The following ARHGEF3 variants were observed in gnomAD, a reference collection of about 807,000 sequenced individuals.
ARHGEF3 encodes 59.8 kDA protein.
Under a neutral mutation model 63.2 loss-of-function variants are expected in ARHGEF3, and 28 were observed. That is an observed-to-expected ratio of 0.44 (90% CI 0.33 to 0.61). The LOEUF (loss-of-function observed/expected upper bound fraction) is 0.61, where lower values mean the gene tolerates loss of function less well. Among genes scored for constraint, ARHGEF3 ranks in the 20% least tolerant of loss-of-function variants. The pLI is 0.03. For synonymous variants in ARHGEF3, 266 were observed against 254.2 expected (o/e 1.05, Z -0.44); for missense variants, 533 against 659.3 (o/e 0.81, Z 2.10).
chr3:56,795,655 C>CTCT lies in ARHGEF3; in HGVS notation c.96+6047_96+6048insAGA, dbSNP rs57400467. ...TTAACTTGTGACACAGTCTCTCTCT[C>CTCT]TTTTTTTTTTTTGAAGATGGACTCT... On this transcript the variant is annotated intron_variant, in intron 1 of 9. Coordinates refer to ENST00000296315, the MANE Select transcript of ARHGEF3 (RefSeq NM_019555.3). Among the ~76,000 whole-genome samples the CTCT allele has an allele frequency of 3.6e-4, 47 of 130,566 alleles. 1 individual carries two copies. Among genetic ancestry groups the CTCT allele is most frequent in the East Asian group, 3.4e-3 (13 of 3,780 alleles). The allele number at this position is 130,566 out of a possible 152,430, so 85.7% of individuals were successfully genotyped here.
At chr3:56,758,376 G>A (rs2035225251) in intron 2 of ARHGEF3, among the ~76,000 whole-genome samples, 3 of 151,846 alleles carry the variant, frequency 2.0e-5, no homozygotes. Flanking sequence ...GATGGCTTGA[G>A]CTGAGGAGTT....
intron 1 of ARHGEF3, among the ~76,000 whole-genome samples, chr3:57,067,371 C>A (rs757270846): frequency 6.6e-6 from 1 of 151,418 alleles, no homozygotes; most frequent in African/African-American, 2.4e-5. Context: ...GGGAGAATGG[C>A]GTGAACCCAG....
intron 7 of ARHGEF3, among the ~76,000 whole-genome samples, chr3:56,742,162 C>T (rs1336888110): frequency 6.6e-6 from 1 of 151,920 alleles, no homozygotes; most frequent in Non-Finnish European, 1.5e-5. Context: ...GTTTTTCCCA[C>T]TGATTTCAGT....
chr3:57,055,122 T>C (rs1704862739), intron 1 of ARHGEF3, among the ~76,000 whole-genome samples: 1 of 152,056 alleles, frequency 6.6e-6, no homozygotes, highest in Non-Finnish European at 1.5e-5. Context: ...GAAGAGTTCT[T>C]ATTTTTAATG....
intron 1 of ARHGEF3, among the ~76,000 whole-genome samples, chr3:57,040,235 T>G (rs963092750): frequency 6.6e-6 from 1 of 152,142 alleles, no homozygotes; most frequent in Non-Finnish European, 1.5e-5. Context: ...CCCAGCACTT[T>G]TGGAGGCCAA....
chr3:56,813,031 A>G (rs1323095748), intron 4 of ARHGEF3, among the ~76,000 whole-genome samples: 1 of 152,234 alleles, frequency 6.6e-6, no homozygotes, highest in Non-Finnish European at 1.5e-5. Flanking sequence ...TGCTGCCTGC[A>G]GGCTCAGAAA....
chr3:56,882,981 T>C (rs908795199), intron 3 of ARHGEF3, among the ~76,000 whole-genome samples: 1 of 152,228 alleles, frequency 6.6e-6, no homozygotes, highest in Non-Finnish European at 1.5e-5. Flanking sequence ...GAAATTTAGA[T>C]ACAAAGTTCA....
chr3:56,760,270 C>G (rs144348453), intron 2 of ARHGEF3, among the ~76,000 whole-genome samples: 76 of 152,308 alleles, frequency 5.0e-4, no homozygotes, highest in African/African-American at 1.8e-3. Flanking sequence ...TGCTCACACT[C>G]TCATCAACAA....
chr3:56,990,476 C>T (rs915010362), intron 2 of ARHGEF3, among the ~76,000 whole-genome samples: 1 of 152,166 alleles, frequency 6.6e-6, no homozygotes, highest in African/African-American at 2.4e-5. Context: ...CCCAGATACA[C>T]TCGGGAGGCT....
intron 3 of ARHGEF3, among the ~76,000 whole-genome samples, chr3:56,884,760 A>G (rs2040868695): frequency 6.6e-6 from 1 of 152,258 alleles, no homozygotes; most frequent in African/African-American, 2.4e-5. Flanking sequence ...ATCCTTACTG[A>G]TTCACCATCC....
At chr3:56,817,471 C>A (rs957279584) in intron 4 of ARHGEF3, among the ~76,000 whole-genome samples, 1 of 152,190 alleles carries the variant, frequency 6.6e-6, no homozygotes, top group African/African-American at 2.4e-5. Context: ...ATATCAGATT[C>A]TCTTTCAACA....
At chr3:56,732,058 A>T in intron 9 of ARHGEF3, 180 bp downstream of exon 9, 2 of 705,600 alleles carry the variant, frequency 2.8e-6, no homozygotes, top group Non-Finnish European at 4.7e-6. Flanking sequence ...TCCATTTTGG[A>T]GATGAGAAAC....
chr3:57,078,395 G>A (rs1165660138), intron 1 of ARHGEF3, among the ~76,000 whole-genome samples: 2 of 152,214 alleles, frequency 1.3e-5, no homozygotes, highest in African/African-American at 2.4e-5. Flanking sequence ...CCAGCAAGCC[G>A]AGTCCTCTAA....
chr3:57,059,067 G>A (rs1316601114), intron 1 of ARHGEF3, among the ~76,000 whole-genome samples: 4 of 151,602 alleles, frequency 2.6e-5, no homozygotes, highest in Non-Finnish European at 5.9e-5. Flanking sequence ...GGTGCAGCAC[G>A]CCAACATGGC....
At chr3:56,807,940 A>G (rs150368332) in intron 4 of ARHGEF3, among the ~76,000 whole-genome samples, 11,192 of 152,118 alleles carry the variant, frequency 0.074, 826 homozygotes, top group East Asian at 0.24. Flanking sequence ...CCTGACCAAC[A>G]TGGTGAAACC....
At chr3:56,921,963 C>T (rs572900878) in intron 3 of ARHGEF3, among the ~76,000 whole-genome samples, 1 of 152,118 alleles carries the variant, frequency 6.6e-6, no homozygotes, top group Non-Finnish European at 1.5e-5. Context: ...TTGTTACAAG[C>T]AATCGCCTGA....
intron 1 of ARHGEF3, among the ~76,000 whole-genome samples, chr3:57,053,411 C>T (rs2107312390): frequency 6.6e-6 from 1 of 152,290 alleles, no homozygotes; most frequent in Non-Finnish European, 1.5e-5. Context: ...CTCCAGCCTG[C>T]CCTGCCTCTG....
intron 3 of ARHGEF3, among the ~76,000 whole-genome samples, chr3:56,893,835 A>G (rs2041207342): frequency 1.4e-5 from 1 of 73,034 alleles, no homozygotes; most frequent in Non-Finnish European, 2.4e-5. Flanking sequence ...AAAAAAAAAA[A>G]AAAAAAAAAA....
chr3:56,882,279 G>A, intron 4 of ARHGEF3: 4 of 1,550,558 alleles, frequency 2.6e-6, no homozygotes, highest in Admixed American at 3.9e-5. Flanking sequence ...GGGGAAGAAA[G>A]GACTATACTT....
Sources: gnomAD v4.1 joint callset for allele counts (sites outside exome capture counted in the v4.1 genomes callset) on GRCh38, gnomAD v4.1.1 for gene constraint, MANE v1.5 for transcripts, NCBI Gene and HGNC (gene_info 2026-07-23, HGNC 2026-07-21) for gene names.